The following CFAP44 variants were observed in gnomAD, a reference collection of about 807,000 sequenced individuals.
The protein encoded by CFAP44 is cilia- and flagella-associated protein 44.
Under a neutral mutation model 216.2 loss-of-function variants are expected in CFAP44, and 134 were observed. That is an observed-to-expected ratio of 0.62 (90% CI 0.54 to 0.72). The LOEUF is 0.72. CFAP44 is among the 30% of genes least tolerant of loss of function. The pLI is 0.00. For synonymous variants in CFAP44, 700 were observed against 727.6 expected, an observed-to-expected ratio of 0.96 and a Z score of 0.61; for missense variants, 2,035 against 2,182.1, an observed-to-expected ratio of 0.93 and a Z score of 1.34.
In CFAP44 at chr3:113,420,207, G is replaced by C; in HGVS notation, c.408-28C>G. The C allele has an allele frequency of 1.9e-6, 3 of 1,594,644 alleles. 1 individual carries two copies. Among genetic ancestry groups the C allele is most frequent in the South Asian group, 2.3e-5 (2 of 87,460 alleles). ...GAGGGAAAGTTGCTAAGGAAAAGAA[G>C]TGAAAAACACTACCATCCTAGGGAT... is the stretch of plus-strand genomic sequence containing the variant. On this transcript the variant is annotated intron_variant, in intron 4 of 34. Coordinates refer to ENST00000393845, the MANE Select transcript of CFAP44 (RefSeq NM_001164496.2).
At chr3:113,370,681 G>GTGCT (rs1350350019) in intron 18 of CFAP44, among the ~76,000 whole-genome samples, 1 of 152,194 alleles carries the variant, frequency 6.6e-6, no homozygotes, top group African/African-American at 2.4e-5. Context: ...AGACAAGGAT[G>GTGCT]TGCTCTCTCA....
At chr3:113,343,664 A>T (rs1336640154) in intron 23 of CFAP44, among the ~76,000 whole-genome samples, 2 of 152,158 alleles carry the variant, frequency 1.3e-5, no homozygotes, top group Non-Finnish European at 2.9e-5. Flanking sequence ...TGTTAGACAT[A>T]ATCAGGGAGC....
At chr3:113,325,159 A>G (rs1464004423) in intron 28 of CFAP44, among the ~76,000 whole-genome samples, 3 of 151,618 alleles carry the variant, frequency 2.0e-5, no homozygotes, top group African/African-American at 7.3e-5. Context: ...AAAATTAGCC[A>G]GGCGTGGTGG....
chr3:113,293,526 C>T (rs1453088166), intron 34 of CFAP44, among the ~76,000 whole-genome samples: 6 of 152,220 alleles, frequency 3.9e-5, no homozygotes, highest in East Asian at 1.9e-4. Flanking sequence ...CTTCCTCTCC[C>T]ATTCAGCTGA....
At chr3:113,327,332 T>C (rs1950197386) in intron 27 of CFAP44, among the ~76,000 whole-genome samples, 1 of 152,178 alleles carries the variant, frequency 6.6e-6, no homozygotes, top group African/African-American at 2.4e-5. Context: ...CTCACCAGAC[T>C]GGTGTAGAGT....
chr3:113,405,494 A>G (rs1413903565), intron 8 of CFAP44, among the ~76,000 whole-genome samples: 2 of 152,130 alleles, frequency 1.3e-5, no homozygotes. Flanking sequence ...TTTATGGCCA[A>G]ATTTGTTTAT....
At chr3:113,363,428 G>C (rs762376963) in intron 20 of CFAP44, 49 bp downstream of exon 20, 8 of 1,585,160 alleles carry the variant, frequency 5.0e-6, no homozygotes, top group Admixed American at 1.8e-5. Context: ...CTGTTGATTT[G>C]TTTTGCAAAA....
At chr3:113,306,529 T>C (rs776907642) in intron 29 of CFAP44, among the ~76,000 whole-genome samples, 198 bp from the exon 30 acceptor site, 2 of 152,172 alleles carry the variant, frequency 1.3e-5, no homozygotes, top group Non-Finnish European at 2.9e-5. Context: ...ATAATAGTAT[T>C]GATGTTGTGA....
At chr3:113,321,784 A>G (rs1202341694) in intron 28 of CFAP44, among the ~76,000 whole-genome samples, 1 of 152,240 alleles carries the variant, frequency 6.6e-6, no homozygotes. Flanking sequence ...AATAAAAATG[A>G]AATACCTGGG....
At chr3:113,386,291 T>C (rs541922844) in intron 15 of CFAP44, among the ~76,000 whole-genome samples, 2 of 152,334 alleles carry the variant, frequency 1.3e-5, no homozygotes, top group South Asian at 4.1e-4. Context: ...AGTTGGGTCT[T>C]ATTTTTTTTA....
Position 113,326,583 on chromosome 3 carries a change from G to A in CFAP44, c.4378C>T (p.Leu1460Phe), listed in dbSNP as rs1468570681. 4 of 1,529,628 alleles carry A rather than the reference G, an allele frequency of 2.6e-6. No homozygotes were observed. In the African/African-American group the frequency reaches 5.5e-5, roughly 21 times the overall value. The allele number at this position is 1,529,628 out of a possible 1,614,324, so 94.8% of individuals were successfully genotyped here. A position where few individuals can be genotyped will look rare whatever the true frequency, so the allele number is the denominator to read the frequency against. Residue 1460 changes from leucine (L) to phenylalanine (F), a missense_variant, in exon 28 of 35, where the codon CTC becomes TTC. Physicochemically the swap from Leu to Phe is conservative, Grantham distance 22 (BLOSUM62 0). Around this residue, in one of 3 missense-constraint regions of CFAP44, gnomAD observed 1,883 missense variants for 2,023.7 expected, o/e 0.93. Coordinates refer to ENST00000393845, the MANE Select transcript of CFAP44 (RefSeq NM_001164496.2). Reference sequence around the variant, plus strand: ...TAGAGTGCCTTTTCTTGCTCCTGGAGTTTGGTGATTTCATTCTTTTTCTCT... The same window carrying A: ...TAGAGTGCCTTTTCTTGCTCCTGGAATTTGGTGATTTCATTCTTTTTCTCT... Reference protein sequence around the residue: ...MEEKKNEITKLQEQEKALYAG... With the variant: ...MEEKKNEITKFQEQEKALYAG...
intron 22 of CFAP44, among the ~76,000 whole-genome samples, chr3:113,355,374 C>A (rs138207355): frequency 5.3e-5 from 8 of 151,972 alleles, no homozygotes; most frequent in Non-Finnish European, 1.0e-4. Context: ...CAAAAAAATT[C>A]GCCGGGCATG....
At chr3:113,407,714 A>C (rs571971724) in intron 7 of CFAP44, among the ~76,000 whole-genome samples, 1 of 152,334 alleles carries the variant, frequency 6.6e-6, no homozygotes, top group South Asian at 2.1e-4. Flanking sequence ...TAATAGTCTA[A>C]ACAAATGGAC....
chr3:113,399,580 G>C (rs367954181), intron 13 of CFAP44, among the ~76,000 whole-genome samples: 1 of 151,852 alleles, frequency 6.6e-6, no homozygotes, highest in Admixed American at 6.6e-5. Context: ...GCACATTGTC[G>C]GCACTCTGTA....
chr3:113,406,493 A>G (rs1015437985), intron 8 of CFAP44, among the ~76,000 whole-genome samples: 23 of 152,102 alleles, frequency 1.5e-4, no homozygotes, highest in Middle Eastern at 3.4e-3. Context: ...GCATGGTGGC[A>G]GGCGCCTGTA....
intron 1 of CFAP44, among the ~76,000 whole-genome samples, chr3:113,440,773 G>C (rs150171115): frequency 1.3e-5 from 2 of 152,232 alleles, no homozygotes; most frequent in African/African-American, 4.8e-5. Context: ...AAGGTCCCTT[G>C]TCAGAGGGTC....
chr3:113,399,112 A>G (rs76738738), intron 13 of CFAP44, among the ~76,000 whole-genome samples: 2,771 of 152,268 alleles, frequency 0.018, 95 homozygotes, highest in African/African-American at 0.062. Context: ...GGTGTTAGGT[A>G]TAAACACTCC....
chr3:113,356,688 A>G (rs1200514413), intron 22 of CFAP44, among the ~76,000 whole-genome samples: 1 of 152,228 alleles, frequency 6.6e-6, no homozygotes. Flanking sequence ...AAATTATTCA[A>G]GATGTAAAAA....
intron 33 of CFAP44, 111 bp from the exon 34 acceptor site, chr3:113,294,932 T>C: frequency 8.0e-7 from 1 of 1,248,768 alleles, no homozygotes; most frequent in Non-Finnish European, 1.1e-6. Context: ...AATGTGCCCA[T>C]ATGAAAATAT....
Sources: allele counts gnomAD v4.1 joint callset (sites outside exome capture counted in the v4.1 genomes callset), GRCh38; gene constraint gnomAD v4.1.1; regional missense constraint gnomAD v4.1.1; transcripts MANE v1.5; gene names NCBI Gene and HGNC (gene_info 2026-07-23, HGNC 2026-07-21).